The following SLC48A1 variants were observed in gnomAD, a reference collection of about 807,000 sequenced individuals.
SLC48A1 encodes the protein solute carrier family 48 member 1, also known as heme transporter HRG1.
A neutral mutation model predicts 14.8 loss-of-function variants in SLC48A1; 6 were observed. The observed-to-expected ratio is 0.41, with a 90% CI of 0.22 to 0.80. SLC48A1 has a LOEUF of 0.80. Ranked by LOEUF, SLC48A1 falls within the 30% of genes least tolerant of loss-of-function variation. SLC48A1 has a pLI of 0.34. For synonymous variants in SLC48A1, 89 were observed against 90.0 expected (o/e 0.99, Z 0.06); for missense variants, 165 against 204.8 (o/e 0.81, Z 1.19).
chr12:47,758,592 A>G, exon 1 of SLC48A1: 1 of 1,613,400 alleles, frequency 6.2e-7, no homozygotes. Flanking sequence ...TGCAGGCTCT[A>G]GCAAAAGGCT....
At chr12:47,767,438 A>G (rs1942540489), upstream of SLC48A1, among the ~76,000 whole-genome samples, 1 of 152,190 alleles carries the variant, frequency 6.6e-6, no homozygotes, top group South Asian at 2.1e-4. Flanking sequence ...AGCCACTGGG[A>G]ATACAGAAGT....
rs774829299 is a variant in SLC48A1, at chr12:47,778,982, G to C, written c.137-46G>C. 9.6e-5 allele frequency: 148 copies of C among 1,534,938 alleles called. No individual in the cohort carries two copies. In the East Asian group the frequency reaches 3.5e-3, roughly 36 times the overall value. On this transcript the variant is annotated intron_variant, in intron 1 of 2. Transcript: ENST00000442218. ...AGGCCTGGTCTAGTGGATCTGCAGG[G>C]CTCTGGAGCACCCTGGGGATGGGCC...
chr12:47,780,558 T>C lies in SLC48A1; in HGVS notation c.*277T>C, dbSNP rs540201122. 1.3e-5 allele frequency: 8 copies of C among 611,992 alleles called. No homozygotes were observed. The African/African-American group carries it at 1.5e-4, about 12-fold the overall frequency. The allele number at this position is 611,992 out of a possible 1,614,324, so 37.9% of individuals were successfully genotyped here. A position where few individuals can be genotyped will look rare whatever the true frequency, so the allele number is the denominator to read the frequency against. On this transcript the variant is annotated 3_prime_UTR_variant, in exon 3 of 3. Transcript: ENST00000442218. ...AAATGAATCTGTTTTCTTTTCTTTCTTTTTTTTTTCTTTTTTTTTTTTTTT... is the reference window on the plus strand; with the variant it reads ...AAATGAATCTGTTTTCTTTTCTTTCCTTTTTTTTTCTTTTTTTTTTTTTTT...
intron 1 of SLC48A1, among the ~76,000 whole-genome samples, chr12:47,776,162 C>T (rs1942748532): frequency 6.6e-6 from 1 of 152,170 alleles, no homozygotes; most frequent in Admixed American, 6.5e-5. Flanking sequence ...TGTGGGATCC[C>T]CCGGGTGTCT....
chr12:47,760,326 C>T (rs535039707), exon 2 of SLC48A1: 78 of 985,254 alleles, frequency 7.9e-5, no homozygotes, highest in African/African-American at 1.2e-4. Context: ...ATCCATTCAA[C>T]GGAGTTCTGG....
chr12:47,763,325 A>T (rs1942429662), intron 2 of SLC48A1, among the ~76,000 whole-genome samples: 1 of 152,160 alleles, frequency 6.6e-6, no homozygotes, highest in Non-Finnish European at 1.5e-5. Flanking sequence ...GGATGGAGGA[A>T]AATTTCACTA....
intron 1 of SLC48A1, chr12:47,758,947 G>A: frequency 9.8e-7 from 1 of 1,018,332 alleles, no homozygotes; most frequent in Non-Finnish European, 1.2e-6. Context: ...CCCCAGGACT[G>A]GCGGAGGGGG....
upstream of SLC48A1, among the ~76,000 whole-genome samples, chr12:47,757,210 T>C (rs1015263801): frequency 6.6e-6 from 1 of 152,180 alleles, no homozygotes; most frequent in Non-Finnish European, 1.5e-5. Flanking sequence ...TCTCTGCTGA[T>C]TTGGATAGTA....
upstream of SLC48A1, chr12:47,771,060 A>G (rs1237536401): frequency 2.9e-5 from 11 of 382,640 alleles, no homozygotes; most frequent in Non-Finnish European, 5.8e-5. Flanking sequence ...CTGAGCTCAC[A>G]GCCTTGACAT....
intron 1 of SLC48A1, 181 bp from the exon 2 acceptor site, chr12:47,778,847 A>G: frequency 1.8e-6 from 1 of 552,430 alleles, no homozygotes. Context: ...GCTTACTAGC[A>G]GGCAGCTCAG....
chr12:47,758,089 G>T, upstream of SLC48A1: 1 of 1,556,054 alleles, frequency 6.4e-7, no homozygotes, highest in Non-Finnish European at 8.7e-7. Flanking sequence ...CTGTGACACG[G>T]GGAGGAAAGT....
chr12:47,780,975 C>A lies in SLC48A1; in HGVS notation c.*694C>A. On this transcript the variant is annotated 3_prime_UTR_variant, in exon 3 of 3. Transcript: ENST00000442218. ...ATGAGGCCTGGACCTATGCTGCAGGCAAGGGTTTCCATCCCCGCTGCCCTA... is the reference window on the plus strand; with the variant it reads ...ATGAGGCCTGGACCTATGCTGCAGGAAAGGGTTTCCATCCCCGCTGCCCTA... 1.9e-6 allele frequency: 1 copy of A among 521,462 alleles called. No individual in the cohort carries two copies. Among genetic ancestry groups the A allele is most frequent in the Non-Finnish European group, 3.9e-6 (1 of 255,264 alleles). 32.3% of individuals were successfully genotyped at this position (521,462 alleles called of 1,614,324 possible). A position where few individuals can be genotyped will look rare whatever the true frequency, so the allele number is the denominator to read the frequency against.
chr12:47,770,929 T>C (rs559118896), upstream of SLC48A1: 262 of 456,440 alleles, frequency 5.7e-4, 3 homozygotes, highest in South Asian at 4.0e-3. Flanking sequence ...CCTGGAGTAC[T>C]GTCCATCCTG....
rs759861557 is a variant in SLC48A1 at position 47,780,264 on chromosome 12, A to C, written c.424A>C (p.Ile142Leu). The change falls in exon 3 of 3, where the codon ATC (isoleucine) becomes CTC (leucine). Residue 142 changes from isoleucine (I) to leucine (L), a missense_variant. Ile to Leu is a conservative substitution (Grantham distance 5). Transcript: ENST00000442218. ...RYRADFADIS[I>L]LSDF ...CCGGGCTGACTTTGCTGACATCAGC[A>C]TCCTCAGCGATTTCTGACCCAGGGG... The C allele has an allele frequency of 3.1e-6, 5 of 1,614,228 alleles. No homozygotes were observed. The South Asian group carries it at 5.5e-5, about 18-fold the overall frequency.
upstream of SLC48A1, among the ~76,000 whole-genome samples, chr12:47,757,511 C>T (rs114969534): frequency 1.6e-3 from 245 of 152,290 alleles, 3 homozygotes; most frequent in African/African-American, 5.7e-3. Flanking sequence ...TTACCTCACT[C>T]CAACCCATTG....
intron 2 of SLC48A1, among the ~76,000 whole-genome samples, chr12:47,764,388 T>C (rs375807523): frequency 7.2e-5 from 11 of 152,240 alleles, no homozygotes; most frequent in Admixed American, 6.5e-4. Flanking sequence ...TTGTCTTAAG[T>C]GCTCCCATCT....
At chr12:47,755,075 G>A (rs11168226), upstream of SLC48A1, among the ~76,000 whole-genome samples, 1,579 of 152,288 alleles carry the variant, frequency 0.01, 26 homozygotes, top group South Asian at 0.051. Context: ...GCATGGGGCC[G>A]GGATGATGCC....
At chr12:47,770,053 T>A (rs1001139695), upstream of SLC48A1, among the ~76,000 whole-genome samples, 2 of 152,328 alleles carry the variant, frequency 1.3e-5, no homozygotes, top group Admixed American at 1.3e-4. Flanking sequence ...TGGACATCTG[T>A]GAGTTAGGGG....
At chr12:47,757,997 C>T (rs1420280054), upstream of SLC48A1, 1 of 1,573,276 alleles carries the variant, frequency 6.4e-7, no homozygotes, top group South Asian at 1.2e-5. Flanking sequence ...TCAGGGAGGG[C>T]TCCCACCCGC....
Sources: allele counts gnomAD v4.1 joint callset (sites outside exome capture counted in the v4.1 genomes callset), GRCh38; gene constraint gnomAD v4.1.1; transcripts MANE v1.5; gene names NCBI Gene and HGNC (gene_info 2026-07-23, HGNC 2026-07-21).